CFAP95: variants seen among roughly 807,000 people sequenced by gnomAD.
The protein encoded by CFAP95 is cilia and flagella associated protein 95.
chr9:69,887,024 T>C, the CFAP95 span: 1 of 653,166 alleles, frequency 1.5e-6, no homozygotes, highest in Non-Finnish European at 2.6e-6. Flanking sequence ...TATTTTGAGA[T>C]ATTAGCTGTT....
chr9:69,851,845 G>GTAACAGTGA, the CFAP95 span, among the ~76,000 whole-genome samples: 1 of 149,076 alleles, frequency 6.7e-6, no homozygotes, highest in Non-Finnish European at 1.5e-5. Context: ...TTCAGCATGG[G>GTAACAGTGA]TAACAGTGAG....
the CFAP95 span, among the ~76,000 whole-genome samples, chr9:69,873,049 T>C: frequency 6.6e-6 from 1 of 152,156 alleles, no homozygotes; most frequent in East Asian, 1.9e-4. Flanking sequence ...GGAAGGAATG[T>C]GTAGGTGGCT....
chr9:69,823,663 T>A, the CFAP95 span, among the ~76,000 whole-genome samples: 2 of 152,328 alleles, frequency 1.3e-5, no homozygotes, highest in South Asian at 2.1e-4. Context: ...AGGCTCTGTG[T>A]GAGCAACAAG....
chr9:69,835,944 G>C, the CFAP95 span, among the ~76,000 whole-genome samples: 1 of 152,114 alleles, frequency 6.6e-6, no homozygotes, highest in African/African-American at 2.4e-5. Context: ...CGCTGACACG[G>C]AGCTGGGCCC....
At chr9:69,841,918 G>A in the CFAP95 span, among the ~76,000 whole-genome samples, 4 of 152,164 alleles carry the variant, frequency 2.6e-5, no homozygotes, top group African/African-American at 7.2e-5. Context: ...TGACACATGG[G>A]AATTATGGGT....
the CFAP95 span, among the ~76,000 whole-genome samples, chr9:69,897,576 A>AGGATT: frequency 5.3e-5 from 8 of 152,226 alleles, no homozygotes; most frequent in Non-Finnish European, 1.0e-4. Context: ...GAAATCCTAT[A>AGGATT]TGAATGAGTA....
chr9:69,891,724 A>G, the CFAP95 span, among the ~76,000 whole-genome samples: 1 of 152,204 alleles, frequency 6.6e-6, no homozygotes, highest in Non-Finnish European at 1.5e-5. Context: ...TTTGTAAAAA[A>G]TACCCATCTT....
the CFAP95 span, among the ~76,000 whole-genome samples, chr9:69,890,686 A>G: frequency 1.3e-5 from 2 of 152,246 alleles, no homozygotes; most frequent in Non-Finnish European, 2.9e-5. Context: ...TACATCTGCA[A>G]TTATGCAAGT....
At chr9:69,839,309 G>C in the CFAP95 span, among the ~76,000 whole-genome samples, 18 of 147,286 alleles carry the variant, frequency 1.2e-4, no homozygotes, top group South Asian at 1.1e-3. Flanking sequence ...AGAAGGAATG[G>C]TACCAGTTCC....
chr9:69,897,389 A>T, the CFAP95 span, among the ~76,000 whole-genome samples: 1 of 152,238 alleles, frequency 6.6e-6, no homozygotes, highest in Non-Finnish European at 1.5e-5. Flanking sequence ...GCCAGGAAAC[A>T]TAAACCATTA....
At chr9:69,866,961 A>G in the CFAP95 span, among the ~76,000 whole-genome samples, 1 of 152,168 alleles carries the variant, frequency 6.6e-6, no homozygotes, top group Non-Finnish European at 1.5e-5. Context: ...CTGAGTGGTG[A>G]CGGCTTACTA....
At chr9:69,846,569 G>A in the CFAP95 span, among the ~76,000 whole-genome samples, 1 of 152,160 alleles carries the variant, frequency 6.6e-6, no homozygotes. Flanking sequence ...TCACAACAAA[G>A]CTATAAAGCT....
At chr9:69,821,406 C>T in the CFAP95 span, among the ~76,000 whole-genome samples, 1 of 151,860 alleles carries the variant, frequency 6.6e-6, no homozygotes, top group Non-Finnish European at 1.5e-5. Flanking sequence ...CAAATCCCCG[C>T]CACCTGAGGT....
chr9:69,833,023 T>A, the CFAP95 span, among the ~76,000 whole-genome samples: 1 of 152,252 alleles, frequency 6.6e-6, no homozygotes, highest in African/African-American at 2.4e-5. Flanking sequence ...TATTAAGATG[T>A]AATTCACATG....
the CFAP95 span, among the ~76,000 whole-genome samples, chr9:69,896,488 C>G: frequency 4.6e-5 from 7 of 152,326 alleles, no homozygotes; most frequent in Non-Finnish European, 1.0e-4. Flanking sequence ...TTTCTATCCA[C>G]AGCCTAAATT....
chr9:69,835,383 C>A, the CFAP95 span, among the ~76,000 whole-genome samples: 1 of 152,188 alleles, frequency 6.6e-6, no homozygotes, highest in African/African-American at 2.4e-5. Context: ...CAGATTCAAA[C>A]CCCTTTGCAA....
chr9:69,903,228 G>T, the CFAP95 span, among the ~76,000 whole-genome samples: 1 of 152,184 alleles, frequency 6.6e-6, no homozygotes, highest in Admixed American at 6.5e-5. Flanking sequence ...ATGTCCAATC[G>T]TGGAAAAAGA....
chr9:69,848,818 T>C, the CFAP95 span, among the ~76,000 whole-genome samples: 197 of 152,280 alleles, frequency 1.3e-3, no homozygotes, highest in African/African-American at 4.6e-3. Flanking sequence ...GCATTTTAAT[T>C]ACCTCAGTGA....
the CFAP95 span, among the ~76,000 whole-genome samples, chr9:69,857,174 T>C: frequency 0.032 from 4,881 of 151,890 alleles, 259 homozygotes; most frequent in African/African-American, 0.11. Context: ...AATTGCTTTT[T>C]GATTTTTGTT....
Sources: allele counts gnomAD v4.1 joint callset (sites outside exome capture counted in the v4.1 genomes callset), GRCh38; gene constraint gnomAD v4.1.1; transcripts MANE v1.5; gene names NCBI Gene and HGNC (gene_info 2026-07-23, HGNC 2026-07-21).